Variants in FTCDNL1 observed in about 807,000 individuals in gnomAD.
FTCDNL1 encodes the protein formiminotransferase N-terminal subdomain-containing protein.
In FTCDNL1, 11 loss-of-function variants were observed where a neutral mutation model predicts 5.9. That is an observed-to-expected ratio of 1.87 (90% confidence interval 1.18 to 3.10). The LOEUF is 3.10. Among genes scored for constraint, FTCDNL1 ranks in the 30% most tolerant of loss-of-function variants. FTCDNL1 has a pLI of 0.00. For synonymous variants in FTCDNL1, 58 were observed against 24.8 expected (o/e 2.34, Z -3.99); for missense variants, 115 against 65.5 (o/e 1.76, Z -2.61).
At chr2:199,821,284 G>A (rs1701665939) in intron 3 of FTCDNL1, among the ~76,000 whole-genome samples, 1 of 150,398 alleles carries the variant, frequency 6.6e-6, no homozygotes, top group African/African-American at 2.5e-5. Context: ...CATGTAGCTT[G>A]GATTACAGGC....
At chr2:199,778,207 G>A (rs1403473749) in intron 3 of FTCDNL1, among the ~76,000 whole-genome samples, 1 of 152,126 alleles carries the variant, frequency 6.6e-6, no homozygotes, top group African/African-American at 2.4e-5. Flanking sequence ...ACATATTTAG[G>A]TCTGGAGAGG....
chr2:199,784,821 T>C (rs11689723), intron 3 of FTCDNL1, among the ~76,000 whole-genome samples: 68,542 of 151,962 alleles, frequency 0.45, 17,639 homozygotes, highest in Non-Finnish European at 0.56. Context: ...CAACTAACTC[T>C]TCCAGGAGTT....
At chr2:199,844,568 C>A in intron 3 of FTCDNL1, 1 of 484,016 alleles carries the variant, frequency 2.1e-6, no homozygotes, top group Non-Finnish European at 3.8e-6. Context: ...AATCATTCAG[C>A]TTTCAACTGC....
At chr2:199,743,703 G>A in the FTCDNL1 span, among the ~76,000 whole-genome samples, 8 of 152,114 alleles carry the variant, frequency 5.3e-5, no homozygotes, top group South Asian at 1.0e-3. Context: ...TTAGTGTCTC[G>A]GGGTCTGCAG....
At position 199,782,095 on chromosome 2, in the gene FTCDNL1, C is replaced by T. The variant is rs116201771; in HGVS notation, c.212-21260G>A. Among the ~76,000 whole-genome samples, 215 of 152,234 alleles carry T rather than the reference C, an allele frequency of 1.4e-3. 1 individual carries two copies. The highest frequency in any genetic ancestry group is 4.9e-3 in the African/African-American group (205 of 41,544). On this transcript the variant is annotated intron_variant, in intron 3 of 3. Coordinates refer to the FTCDNL1 transcript ENST00000416668. ...ACTGCGCCAGGCCTTTGTGAGGTGT[C>T]GTTAATTTGCTCTACCAAAGACAGC...
chr2:199,671,362 T>A, the FTCDNL1 span, among the ~76,000 whole-genome samples: 2 of 151,620 alleles, frequency 1.3e-5, no homozygotes, highest in African/African-American at 2.4e-5. Flanking sequence ...AGCATATGCT[T>A]ATGATGGGAG....
At chr2:199,706,412 T>C in the FTCDNL1 span, among the ~76,000 whole-genome samples, 5 of 152,198 alleles carry the variant, frequency 3.3e-5, no homozygotes, top group Non-Finnish European at 7.3e-5. Flanking sequence ...TCTATCTCTG[T>C]CACCTTGGGC....
the FTCDNL1 span, among the ~76,000 whole-genome samples, chr2:199,677,652 C>A: frequency 7.9e-5 from 12 of 152,222 alleles, no homozygotes; most frequent in African/African-American, 2.4e-4. Context: ...GCCCAGAAAT[C>A]CTCTGATGAG....
chr2:199,804,484 A>G (rs374919266), downstream of FTCDNL1, among the ~76,000 whole-genome samples: 1 of 152,238 alleles, frequency 6.6e-6, no homozygotes, highest in East Asian at 1.9e-4. Context: ...GCTACTACGC[A>G]AAAGACATCC....
At chr2:199,765,420 T>C (rs187829847) in intron 3 of FTCDNL1, among the ~76,000 whole-genome samples, 1 of 151,402 alleles carries the variant, frequency 6.6e-6, no homozygotes, top group East Asian at 1.9e-4. Context: ...AAATAAAGTC[T>C]ATTACAAAAT....
the FTCDNL1 span, among the ~76,000 whole-genome samples, chr2:199,665,398 G>A: frequency 1.4e-4 from 22 of 152,058 alleles, no homozygotes; most frequent in Non-Finnish European, 2.5e-4. Context: ...TTGACAGGCC[G>A]AGGCAGGCAG....
chr2:199,674,556 T>C, the FTCDNL1 span, among the ~76,000 whole-genome samples: 2 of 152,218 alleles, frequency 1.3e-5, no homozygotes, highest in African/African-American at 2.4e-5. Context: ...ATTTCAGTAT[T>C]TTCTGTGTTT....
the FTCDNL1 span, among the ~76,000 whole-genome samples, chr2:199,749,936 G>C: frequency 1.3e-5 from 2 of 151,184 alleles, no homozygotes; most frequent in Non-Finnish European, 2.9e-5. Flanking sequence ...TCACAGCGAT[G>C]GACACCCCAT....
intron 4 of FTCDNL1, among the ~76,000 whole-genome samples, chr2:199,817,348 C>T (rs1214435123): frequency 3.9e-5 from 6 of 152,166 alleles, no homozygotes; most frequent in African/African-American, 1.2e-4. Flanking sequence ...CTACATCTTC[C>T]CCAGTATTAA....
chr2:199,794,756 A>T (rs752706319), intron 3 of FTCDNL1, among the ~76,000 whole-genome samples: 22 of 152,078 alleles, frequency 1.4e-4, no homozygotes, highest in Non-Finnish European at 2.6e-4. Flanking sequence ...GCACGCAACT[A>T]TAGTCCCAGC....
At chr2:199,665,496 G>A in the FTCDNL1 span, among the ~76,000 whole-genome samples, 1 of 151,992 alleles carries the variant, frequency 6.6e-6, no homozygotes, top group Non-Finnish European at 1.5e-5. Flanking sequence ...TAGCTGGGGT[G>A]GTGGTGCACA....
At chr2:199,699,412 C>G in the FTCDNL1 span, among the ~76,000 whole-genome samples, 1 of 152,018 alleles carries the variant, frequency 6.6e-6, no homozygotes, top group Non-Finnish European at 1.5e-5. Flanking sequence ...TGTGATTGCA[C>G]CACTGCACTC....
intron 3 of FTCDNL1, among the ~76,000 whole-genome samples, chr2:199,844,743 TC>T (rs892033989): frequency 6.6e-6 from 1 of 152,138 alleles, no homozygotes; most frequent in African/African-American, 2.4e-5. Flanking sequence ...AGCTTTTTCC[TC>T]CCCAAAGTGG....
chr2:199,761,483 C>T (rs930970557), intron 3 of FTCDNL1, among the ~76,000 whole-genome samples: 1 of 152,196 alleles, frequency 6.6e-6, no homozygotes, highest in African/African-American at 2.4e-5. Context: ...CTCGATGTTT[C>T]TCAGCTGGAC....
Sources: allele counts gnomAD v4.1 joint callset (sites outside exome capture counted in the v4.1 genomes callset), GRCh38; gene constraint gnomAD v4.1.1; transcripts MANE v1.5; gene names NCBI Gene and HGNC (gene_info 2026-07-23, HGNC 2026-07-21).